The following RBFOX1 variants were observed in gnomAD, a reference collection of about 807,000 sequenced individuals.
RBFOX1 encodes the protein RNA binding fox-1 homolog 1, also known as RNA binding protein fox-1 homolog 1.
RBFOX1 carries 8 observed loss-of-function variants against 57.7 expected under a neutral mutation model. The observed-to-expected ratio is 0.14, with a 90% confidence interval of 0.08 to 0.25. The LOEUF is 0.25. RBFOX1 is among the 10% of genes least tolerant of loss of function. The pLI is 1.00. For synonymous variants in RBFOX1, 326 were observed against 222.4 expected, an observed-to-expected ratio of 1.47 and a Z score of -4.15; for missense variants, 611 against 548.5, an observed-to-expected ratio of 1.11 and a Z score of -1.14.
intron 9 of RBFOX1, 68 bp downstream of exon 9, chr16:7,597,499 G>A: frequency 7.2e-7 from 1 of 1,380,254 alleles, no homozygotes; most frequent in Non-Finnish European, 1.0e-6. Flanking sequence ...TTTAACCAGA[G>A]ATTCTATTAC....
chr16:7,685,963 CTACACGAGA>C (rs2075976386), intron 14 of RBFOX1, among the ~76,000 whole-genome samples: 1 of 152,050 alleles, frequency 6.6e-6, no homozygotes, highest in Non-Finnish European at 1.5e-5. Flanking sequence ...AGGTTACTTA[CTACACGAGA>C]TAATTTGGGC....
intron 4 of RBFOX1, among the ~76,000 whole-genome samples, chr16:7,211,287 G>T (rs1362698923): frequency 2.0e-5 from 3 of 151,186 alleles, no homozygotes; most frequent in Non-Finnish European, 1.5e-5. Flanking sequence ...AGCTTCTCGG[G>T]AGGCTGAGGC....
chr16:7,375,637 C>T (rs1216696563), intron 4 of RBFOX1, among the ~76,000 whole-genome samples: 8 of 151,848 alleles, frequency 5.3e-5, no homozygotes, highest in African/African-American at 1.7e-4. Flanking sequence ...CTCACATAAA[C>T]AGTAACTGAA....
intron 1 of RBFOX1, among the ~76,000 whole-genome samples, chr16:6,255,021 C>A (rs1465881454): frequency 6.6e-6 from 1 of 152,070 alleles, no homozygotes; most frequent in Non-Finnish European, 1.5e-5. Context: ...CTTCTTCCTT[C>A]CATCTCTCCC....
At chr16:6,065,549 C>A (rs532730980) in intron 1 of RBFOX1, among the ~76,000 whole-genome samples, 200 of 152,254 alleles carry the variant, frequency 1.3e-3, no homozygotes, top group African/African-American at 4.7e-3. Context: ...TTGACATGCC[C>A]GTAACCTGCT....
chr16:6,182,449 T>C (rs1193796103), intron 1 of RBFOX1, among the ~76,000 whole-genome samples: 2 of 152,222 alleles, frequency 1.3e-5, no homozygotes, highest in East Asian at 3.8e-4. Context: ...GTTTATATAA[T>C]CAAACAGCTA....
intron 12 of RBFOX1, among the ~76,000 whole-genome samples, chr16:7,661,559 C>A (rs1043799696): frequency 8.5e-5 from 13 of 152,216 alleles, no homozygotes; most frequent in African/African-American, 3.1e-4. Context: ...ACATTCAGGG[C>A]ACCTCTGTTG....
intron 3 of RBFOX1, among the ~76,000 whole-genome samples, chr16:5,852,323 G>A (rs908585266): frequency 6.6e-5 from 10 of 152,140 alleles, no homozygotes; most frequent in South Asian, 2.1e-4. Context: ...GATTGCAGGC[G>A]TGCTCACAGG....
chr16:7,368,271 A>G (rs1261568879), intron 4 of RBFOX1, among the ~76,000 whole-genome samples: 5 of 151,804 alleles, frequency 3.3e-5, no homozygotes, highest in Admixed American at 6.6e-5. Flanking sequence ...TCTCGAAAAA[A>G]AAAAAAAAGA....
intron 2 of RBFOX1, among the ~76,000 whole-genome samples, chr16:6,624,528 G>C (rs943483529): frequency 6.6e-6 from 1 of 152,022 alleles, no homozygotes. Context: ...CTTTGTTTTG[G>C]TTAGAGTGAT....
intron 3 of RBFOX1, among the ~76,000 whole-genome samples, chr16:7,014,080 C>T (rs2093783546): frequency 6.6e-6 from 1 of 152,188 alleles, no homozygotes; most frequent in Non-Finnish European, 1.5e-5. Flanking sequence ...AATAAATACA[C>T]AATGTCATTG....
chr16:5,856,537 A>ATGTGTG (rs774246673), intron 3 of RBFOX1, among the ~76,000 whole-genome samples: 6 of 70,238 alleles, frequency 8.5e-5, no homozygotes, highest in African/African-American at 3.3e-4. Flanking sequence ...ATATATGTGT[A>ATGTGTG]TGTGTGTGTG....
chr16:6,018,074 C>A (rs1048518339), upstream of RBFOX1, among the ~76,000 whole-genome samples: 1 of 152,016 alleles, frequency 6.6e-6, no homozygotes. Flanking sequence ...AGCTATGTGA[C>A]CTTGAACAAA....
chr16:7,632,135 C>T (rs1276069307), intron 11 of RBFOX1, among the ~76,000 whole-genome samples: 1 of 152,188 alleles, frequency 6.6e-6, no homozygotes, highest in African/African-American at 2.4e-5. Flanking sequence ...TCTCAAAGTC[C>T]TGACCTCAGA....
At chr16:6,558,847 A>G (rs1414351395) in intron 2 of RBFOX1, among the ~76,000 whole-genome samples, 2 of 144,988 alleles carry the variant, frequency 1.4e-5, no homozygotes, top group Non-Finnish European at 3.0e-5. Context: ...TACTTCCCCA[A>G]ACATACCCAG....
intron 4 of RBFOX1, among the ~76,000 whole-genome samples, chr16:7,163,464 C>T (rs1453060685): frequency 2.0e-5 from 3 of 151,998 alleles, no homozygotes; most frequent in Non-Finnish European, 4.4e-5. Flanking sequence ...GACTGACATC[C>T]TTCACCCTCT....
intron 1 of RBFOX1, among the ~76,000 whole-genome samples, chr16:5,280,623 C>T (rs1267592456): frequency 6.6e-6 from 1 of 152,150 alleles, no homozygotes; most frequent in African/African-American, 2.4e-5. Context: ...CATTTTGGGT[C>T]AGTTCAGGTT....
At chr16:7,243,516 C>G (rs1260319786) in intron 4 of RBFOX1, among the ~76,000 whole-genome samples, 1 of 152,076 alleles carries the variant, frequency 6.6e-6, no homozygotes, top group Non-Finnish European at 1.5e-5. Flanking sequence ...GAAGGGCTCC[C>G]CAGGAAGTTG....
At chr16:5,864,754 A>G (rs2057306122) in intron 3 of RBFOX1, among the ~76,000 whole-genome samples, 2 of 152,150 alleles carry the variant, frequency 1.3e-5, no homozygotes, top group Non-Finnish European at 2.9e-5. Flanking sequence ...CAGATCATGT[A>G]TGTGTTTTTT....
Sources: allele counts gnomAD v4.1 joint callset (sites outside exome capture counted in the v4.1 genomes callset), GRCh38; gene constraint gnomAD v4.1.1; transcripts MANE v1.5; gene names NCBI Gene and HGNC (gene_info 2026-07-23, HGNC 2026-07-21).